Variants in CDH13 observed in about 807,000 individuals in gnomAD.
CDH13 encodes the protein cadherin-13.
CDH13 carries 24 observed loss-of-function variants against 63.8 expected under a neutral mutation model. That is an observed-to-expected ratio of 0.38 (90% CI 0.27 to 0.53). CDH13 has a LOEUF of 0.53. CDH13 is among the 20% of genes least tolerant of loss of function. CDH13 has a pLI of 0.85. For synonymous variants in CDH13, 503 were observed against 355.3 expected (o/e 1.42, Z -4.67); for missense variants, 1,049 against 903.1 (o/e 1.16, Z -2.07).
At chr16:82,850,039 T>G (rs1469381312) in intron 1 of CDH13, among the ~76,000 whole-genome samples, 1 of 152,246 alleles carries the variant, frequency 6.6e-6, no homozygotes, top group African/African-American at 2.4e-5. Flanking sequence ...TAATATAATT[T>G]CCATTTTTCA....
intron 10 of CDH13, among the ~76,000 whole-genome samples, chr16:83,689,848 GC>G (rs1904670737): frequency 6.6e-6 from 1 of 152,184 alleles, no homozygotes; most frequent in Admixed American, 6.5e-5. Context: ...CATACTGGGT[GC>G]TTTTCTAGGC....
intron 10 of CDH13, among the ~76,000 whole-genome samples, chr16:83,737,699 A>T (rs1911667379): frequency 6.6e-6 from 1 of 152,188 alleles, no homozygotes; most frequent in African/African-American, 2.4e-5. Flanking sequence ...TTAAAAATGG[A>T]AAGGTCCCAT....
chr16:83,373,937 A>C (rs1433724853), intron 6 of CDH13, among the ~76,000 whole-genome samples: 8 of 152,172 alleles, frequency 5.3e-5, no homozygotes, highest in African/African-American at 1.9e-4. Context: ...ATCCAGGGGA[A>C]TGAGCATGCT....
chr16:83,784,287 G>C (rs580131), intron 13 of CDH13, among the ~76,000 whole-genome samples: 64,445 of 151,932 alleles, frequency 0.42, 14,484 homozygotes, highest in Non-Finnish European at 0.51. Flanking sequence ...TACAACATTG[G>C]ACATTCACGT....
At chr16:82,816,454 G>C (rs1288568241) in intron 1 of CDH13, among the ~76,000 whole-genome samples, 2 of 152,120 alleles carry the variant, frequency 1.3e-5, no homozygotes, top group Admixed American at 6.5e-5. Context: ...AGGCTATGGA[G>C]AAATCAAGGA....
chr16:83,396,549 C>T (rs1296820249), intron 6 of CDH13: 1 of 152,044 alleles, frequency 6.6e-6, no homozygotes, highest in Non-Finnish European at 1.5e-5. Flanking sequence ...TATGGTGGTA[C>T]TTTAAATTTT....
chr16:82,813,096 G>C (rs1198859197), intron 1 of CDH13, among the ~76,000 whole-genome samples: 1 of 152,120 alleles, frequency 6.6e-6, no homozygotes, highest in African/African-American at 2.4e-5. Context: ...AGCCTTTTCT[G>C]GTTACAGAAG....
At chr16:83,752,857 C>A (rs1170119182) in intron 11 of CDH13, among the ~76,000 whole-genome samples, 1 of 152,172 alleles carries the variant, frequency 6.6e-6, no homozygotes, top group African/African-American at 2.4e-5. Flanking sequence ...TTAATCCCAC[C>A]CAGGTGGGGG....
chr16:83,686,644 A>C (rs900541521), intron 10 of CDH13, among the ~76,000 whole-genome samples: 3 of 152,252 alleles, frequency 2.0e-5, no homozygotes, highest in Admixed American at 6.5e-5. Flanking sequence ...TTCTTATGGC[A>C]CAGTAATTCC....
intron 2 of CDH13, among the ~76,000 whole-genome samples, chr16:82,940,287 C>G (rs1388845702): frequency 6.6e-6 from 1 of 152,140 alleles, no homozygotes; most frequent in Non-Finnish European, 1.5e-5. Flanking sequence ...GCAAATTATT[C>G]CCTTGCAGAA....
Position 83,092,346 on chromosome 16 carries a change from G to A in CDH13, c.367-33039G>A, listed in dbSNP as rs139697519. ...TTTGTCTTCCTAGCATTTGATTGAC[G>A]GCTACTGTTAGTACAGATCATCTGG... On this transcript the variant is annotated intron_variant, in intron 3 of 13. Coordinates refer to ENST00000567109, the MANE Select transcript of CDH13 (RefSeq NM_001257.5). 3.5e-3 allele frequency among the ~76,000 whole-genome samples: 536 copies of A among 152,244 alleles called. 6 individuals carry two copies. The highest frequency in any genetic ancestry group is 0.012 in the African/African-American group (498 of 41,544).
At chr16:83,237,383 G>T (rs551629319) in intron 5 of CDH13, among the ~76,000 whole-genome samples, 24 of 152,278 alleles carry the variant, frequency 1.6e-4, no homozygotes, top group African/African-American at 5.5e-4. Context: ...GTAAAGGATC[G>T]TACCTTACAT....
chr16:83,251,266 AGTGT>A (rs1381316671), intron 5 of CDH13, among the ~76,000 whole-genome samples: 2 of 152,214 alleles, frequency 1.3e-5, no homozygotes, highest in Non-Finnish European at 2.9e-5. Flanking sequence ...CAAAATAGAA[AGTGT>A]AATGAGAGAA....
intron 1 of CDH13, among the ~76,000 whole-genome samples, chr16:82,775,735 G>C (rs2035464534): frequency 6.6e-6 from 1 of 152,158 alleles, no homozygotes; most frequent in Non-Finnish European, 1.5e-5. Context: ...CCTGAGATCA[G>C]TTGGGTAAAG....
intron 2 of CDH13, among the ~76,000 whole-genome samples, chr16:82,872,504 C>T (rs936501302): frequency 2.0e-5 from 3 of 152,182 alleles, no homozygotes; most frequent in Admixed American, 1.3e-4. Context: ...ATAAGTAAGG[C>T]ATCAAAATAT....
At chr16:83,084,209 G>C (rs971283074) in intron 3 of CDH13, among the ~76,000 whole-genome samples, 3 of 152,208 alleles carry the variant, frequency 2.0e-5, no homozygotes, top group Non-Finnish European at 4.4e-5. Context: ...CCAACTGATT[G>C]CATTATTAGC....
intron 2 of CDH13, among the ~76,000 whole-genome samples, chr16:82,956,875 A>G (rs1906196189): frequency 6.6e-6 from 1 of 152,234 alleles, no homozygotes; most frequent in Non-Finnish European, 1.5e-5. Context: ...TGGCTTCAAT[A>G]AGATAGATGC....
chr16:83,594,159 C>A (rs1185492269), intron 7 of CDH13, among the ~76,000 whole-genome samples: 1 of 152,194 alleles, frequency 6.6e-6, no homozygotes, highest in African/African-American at 2.4e-5. Flanking sequence ...TTGCTTTTGG[C>A]TCTTCCTGAA....
At chr16:83,324,485 G>A (rs1406813030) in intron 5 of CDH13, among the ~76,000 whole-genome samples, 2 of 152,300 alleles carry the variant, frequency 1.3e-5, no homozygotes, top group South Asian at 2.1e-4. Flanking sequence ...CTTTTTTAAT[G>A]AAAGGAATCA....
Sources: allele counts gnomAD v4.1 joint callset (sites outside exome capture counted in the v4.1 genomes callset), GRCh38; gene constraint gnomAD v4.1.1; transcripts MANE v1.5; gene names NCBI Gene and HGNC (gene_info 2026-07-23, HGNC 2026-07-21).